CXorf66: variants seen among roughly 807,000 people sequenced by gnomAD.
CXorf66 encodes uncharacterized protein CXorf66.
Under a neutral mutation model 5.0 loss-of-function variants are expected in CXorf66, and 6 were observed. That is an observed-to-expected ratio of 1.20 (90% CI 0.65 to 2.36). The LOEUF is 2.36. CXorf66 is among the 30% of genes most tolerant of loss of function. The pLI, the probability that CXorf66 is intolerant of heterozygous loss-of-function variation, is 0.00. For missense variants in CXorf66, 270 were observed against 254.9 expected (o/e 1.06, Z -0.40); for synonymous variants, 98 against 102.8 (o/e 0.95, Z 0.28).
In CXorf66 at chrX:139,958,081, A is replaced by G. The variant is rs762352100; in HGVS notation, c.225T>C (p.Asp75=). 8.3e-7 allele frequency: 1 copy of G among 1,201,814 alleles called. No homozygotes were observed. Among genetic ancestry groups the G allele is most frequent in the East Asian group, 3.0e-5 (1 of 33,612 alleles). The stretch of plus-strand genomic sequence containing the variant: ...AAACTTACATTCCTGCTTTGGACGC[A>G]TCATCGCTCAGACAATTATAATGGA... ...CYLHYNCLSD[D]ASKAGMVKKK... is the part of the protein sequence containing the mutation. Residue 75 remains aspartate (D), a synonymous_variant, in exon 2 of 3, where the codon GAT becomes GAC. Transcript: ENST00000370540.
intron 1 of CXorf66, among the ~76,000 whole-genome samples, chrX:139,959,892 G>C (rs894367590): frequency 9.0e-6 from 1 of 111,378 alleles, no homozygotes; most frequent in Non-Finnish European, 1.9e-5. Context: ...CAACAAAAAG[G>C]ACCCCCACAC....
At chrX:139,960,900 A>C (rs1376370742) in intron 1 of CXorf66, among the ~76,000 whole-genome samples, 1 of 111,784 alleles carries the variant, frequency 8.9e-6, no homozygotes, top group Non-Finnish European at 1.9e-5. Context: ...TGTCACCACC[A>C]GGCCTGCCTT....
chrX:139,956,238 T>G lies in CXorf66; in HGVS notation c.744A>C (p.Ser248=). 1 of 1,211,911 alleles carries G rather than the reference T, an allele frequency of 8.3e-7. No individual in the cohort carries two copies. Among genetic ancestry groups the G allele is most frequent in the Non-Finnish European group, 1.1e-6 (1 of 895,485 alleles). Residue 248 remains serine, a synonymous_variant, in exon 3 of 3, where the codon TCA becomes TCC. Coordinates refer to ENST00000370540, the MANE Select transcript of CXorf66 (RefSeq NM_001013403.3). ...ATAAGGCTGCCCTGCCTAGACTCAC[T>G]GACCTTTTTGGATTAAAATGTTTGG... The part of the protein sequence containing the change: ...KPPKHFNPKR[S]VSLGRAALLS...
Position 139,956,508 on chromosome X carries a change from T to C in CXorf66, c.474A>G (p.Pro158=). The change falls in exon 3 of 3, where the codon CCA becomes CCG. Residue 158 remains proline, a synonymous_variant. Coordinates refer to ENST00000370540, the MANE Select transcript of CXorf66 (RefSeq NM_001013403.3). ...IPNSAGKLTR[P]SYPKRSSKSS... ...ACTTGGATGACCTTTTTGGATATGA[T>C]GGCCTAGTTAACTTTCCTGCACTGT... 2.5e-6 allele frequency: 3 copies of C among 1,212,047 alleles called. No homozygotes were observed. The highest frequency in any genetic ancestry group is 3.3e-6 in the Non-Finnish European group (3 of 895,590).
chrX:139,958,419 C>T (rs1017280200), intron 1 of CXorf66, among the ~76,000 whole-genome samples: 2 of 111,956 alleles, frequency 1.8e-5, no homozygotes, highest in Non-Finnish European at 3.8e-5. Context: ...CTGACTAATC[C>T]ATACCATTAC....
At chrX:139,964,740 G>A (rs1272308927) in intron 1 of CXorf66, among the ~76,000 whole-genome samples, 1 of 111,574 alleles carries the variant, frequency 9.0e-6, no homozygotes, top group African/African-American at 3.3e-5. Context: ...CCATAAAAAA[G>A]AATGAGTTCA....
Position 139,956,222 on chromosome X carries a change from C to T in CXorf66, c.760G>A (p.Ala254Thr). The T allele has an allele frequency of 8.3e-7, 1 of 1,211,380 alleles. No individual in the cohort carries two copies. Among genetic ancestry groups the T allele is most frequent in the African/African-American group, 1.7e-5 (1 of 57,754 alleles). ...NPKRSVSLGR[A>T]ALLSNSELAE... The stretch of plus-strand genomic sequence containing the variant: ...AATTCAGAGTTGGATAATAAGGCTG[C>T]CCTGCCTAGACTCACTGACCTTTTT... The change falls in exon 3 of 3, where the codon GCA (alanine) becomes ACA (threonine). Residue 254 changes from alanine to threonine, a missense_variant. Ala to Thr is a moderately conservative substitution (Grantham distance 58). Coordinates refer to ENST00000370540, the MANE Select transcript of CXorf66 (RefSeq NM_001013403.3).
In CXorf66 at chrX:139,958,237, T is replaced by C. The variant is rs770549097; in HGVS notation, c.89-20A>G. The C allele has an allele frequency of 8.8e-7, 1 of 1,133,803 alleles. No homozygotes were observed. Among genetic ancestry groups the C allele is most frequent in the Admixed American group, 2.8e-5 (1 of 35,364 alleles). The allele number at this position is 1,133,803 out of a possible 1,213,427, so 93.4% of individuals were successfully genotyped here. A position where few individuals can be genotyped will look rare whatever the true frequency, so the allele number is the denominator to read the frequency against. ...TATCTCCTGCAAAGAGATTGTATAA[T>C]CAGAGAAGGTGTTAAGTAACCAAGT... On this transcript the variant is annotated intron_variant, in intron 1 of 2. Transcript: ENST00000370540.
At chrX:139,961,764 AACTC>A (rs2148218751) in intron 1 of CXorf66, among the ~76,000 whole-genome samples, 1 of 112,024 alleles carries the variant, frequency 8.9e-6, no homozygotes, top group South Asian at 3.7e-4. Flanking sequence ...AGGTTTAAGA[AACTC>A]ACTCAAAACC....
chrX:139,955,968 A>C lies in CXorf66; in HGVS notation c.1014T>G (p.Ser338Arg). The C allele has an allele frequency of 8.3e-7, 1 of 1,207,173 alleles. No homozygotes were observed. The highest frequency in any genetic ancestry group is 1.1e-6 in the Non-Finnish European group (1 of 891,710). ...DTMKYYSEVDSDKVIIITCDR... is the reference protein window; with the variant it reads ...DTMKYYSEVDRDKVIIITCDR... ...CACACGTAATGATTATAACTTTATC[A>C]CTGTCAACCTCACTATAATATTTCA... The change falls in exon 3 of 3, where the codon AGT becomes AGG. Residue 338 changes from serine to arginine, a missense_variant. Ser to Arg is a moderately radical substitution (Grantham distance 110). Transcript: ENST00000370540.
rs919964181 is a variant in CXorf66, at chrX:139,958,229, T to C, written c.89-12A>G. 1 of 1,152,638 alleles carries C rather than the reference T, an allele frequency of 8.7e-7. No individual in the cohort carries two copies. Among genetic ancestry groups the C allele is most frequent in the Admixed American group, 2.7e-5 (1 of 36,971 alleles). The allele number at this position is 1,152,638 out of a possible 1,213,427, so 95.0% of individuals were successfully genotyped here. On this transcript the variant is annotated splice_polypyrimidine_tract_variant and intron_variant, in intron 1 of 2. Transcript: ENST00000370540. Reference sequence around the variant, plus strand: ...AACAGGTTTATCTCCTGCAAAGAGATTGTATAATCAGAGAAGGTGTTAAGT... The same window carrying C: ...AACAGGTTTATCTCCTGCAAAGAGACTGTATAATCAGAGAAGGTGTTAAGT...
intron 1 of CXorf66, among the ~76,000 whole-genome samples, chrX:139,960,699 A>G (rs1423141294): frequency 8.9e-6 from 1 of 111,806 alleles, no homozygotes; most frequent in East Asian, 2.8e-4. Flanking sequence ...ATTACCTACA[A>G]AGGGAAGCTC....
chrX:139,962,004 T>A (rs1403441308), intron 1 of CXorf66, among the ~76,000 whole-genome samples: 1 of 110,774 alleles, frequency 9.0e-6, no homozygotes, highest in Non-Finnish European at 1.9e-5. Flanking sequence ...ATATCACAAT[T>A]AAAAGAACTA....
At chrX:139,956,932 G>A (rs1414958772) in intron 2 of CXorf66, among the ~76,000 whole-genome samples, 193 bp from the exon 3 acceptor site, 1 of 111,393 alleles carries the variant, frequency 9.0e-6, no homozygotes, top group East Asian at 2.8e-4. Flanking sequence ...TTGGGAGGAC[G>A]AGGTGGGCAG....
chrX:139,957,320 C>G (rs1413059071), intron 2 of CXorf66, among the ~76,000 whole-genome samples: 3 of 110,872 alleles, frequency 2.7e-5, no homozygotes, highest in Non-Finnish European at 3.8e-5. Context: ...TAGAATTACA[C>G]AAAGTTATTT....
intron 1 of CXorf66, among the ~76,000 whole-genome samples, chrX:139,959,028 T>C (rs2085584082): frequency 9.0e-6 from 1 of 111,585 alleles, no homozygotes; most frequent in Non-Finnish European, 1.9e-5. Flanking sequence ...TAGCAGTTTT[T>C]TTTCCCCCCA....
intron 1 of CXorf66, among the ~76,000 whole-genome samples, chrX:139,962,444 C>A (rs1415794572): frequency 9.0e-6 from 1 of 110,686 alleles, no homozygotes; most frequent in Non-Finnish European, 1.9e-5. Context: ...GCCTACCAAC[C>A]AAAAAAAGCC....
intron 1 of CXorf66, among the ~76,000 whole-genome samples, chrX:139,964,124 G>A (rs148295215): frequency 0.018 from 1,996 of 111,560 alleles, 29 homozygotes; most frequent in Admixed American, 0.062. Context: ...GAGTAAACAC[G>A]CAACCTACAG....
rs1484165589 is a variant in CXorf66 at position 139,956,266 on chromosome X, G to T, written c.716C>A (p.Pro239His). The T allele has an allele frequency of 8.3e-7, 1 of 1,211,977 alleles. No individual in the cohort carries two copies. Among genetic ancestry groups the T allele is most frequent in the East Asian group, 3.0e-5 (1 of 33,851 alleles). The change falls in exon 3 of 3, where the codon CCT becomes CAT. Residue 239 changes from proline (P) to histidine (H), a missense_variant. Pro to His is a moderately conservative substitution (Grantham distance 77). Transcript: ENST00000370540. ...CCTTTTTGGATTAAAATGTTTGGGA[G>T]GCTTAGCCAATTCCTGTGGACCGAA... ...KPFGPQELAK[P>H]PKHFNPKRSV...
Sources: allele counts gnomAD v4.1 joint callset (sites outside exome capture counted in the v4.1 genomes callset), GRCh38; gene constraint gnomAD v4.1.1; transcripts MANE v1.5; gene names NCBI Gene and HGNC (gene_info 2026-07-23, HGNC 2026-07-21).